PROM1: variants seen among roughly 807,000 people sequenced by gnomAD.
The protein encoded by PROM1 is prominin 1, also known as prominin-1.
A neutral mutation model predicts 116.9 loss-of-function variants in PROM1; 105 were observed. That is an observed-to-expected ratio of 0.90 (90% CI 0.77 to 1.06). The LOEUF (loss-of-function observed/expected upper bound fraction) is 1.06, where lower values mean the gene tolerates loss of function less well. Ranked by LOEUF, PROM1 falls within the 50% of genes least tolerant of loss-of-function variation. The pLI, the probability that PROM1 is intolerant of heterozygous loss-of-function variation, is 0.00. For missense variants in PROM1, 1,122 were observed against 1,045.2 expected (o/e 1.07, Z -1.01); for synonymous variants, 393 against 387.0 (o/e 1.02, Z -0.18).
chr4:16,018,646 C>G (rs1297683304), intron 8 of PROM1, 106 bp from the exon 9 acceptor site: 9 of 974,190 alleles, frequency 9.2e-6, no homozygotes, highest in Non-Finnish European at 1.4e-5. Flanking sequence ...CTTTAGATGG[C>G]AGTGAGAGGG....
chr4:16,043,552 G>A (rs370052831), intron 2 of PROM1, among the ~76,000 whole-genome samples: 2 of 152,216 alleles, frequency 1.3e-5, no homozygotes, highest in East Asian at 3.8e-4. Context: ...TGGAGTCACT[G>A]CCACAGTCCT....
intron 23 of PROM1, among the ~76,000 whole-genome samples, chr4:15,982,108 C>T (rs751694830): frequency 2.0e-4 from 31 of 152,242 alleles, no homozygotes; most frequent in Non-Finnish European, 3.5e-4. Flanking sequence ...TACACTTGGC[C>T]TGCTATGTAA....
intron 9 of PROM1, 65 bp downstream of exon 9, chr4:16,018,258 G>T: frequency 1.3e-6 from 2 of 1,522,816 alleles, no homozygotes; most frequent in Non-Finnish European, 1.8e-6. Flanking sequence ...GGTCACCCAC[G>T]CTTAGCCCTG....
intron 1 of PROM1, among the ~76,000 whole-genome samples, chr4:16,081,046 T>C (rs1744943124): frequency 6.7e-6 from 1 of 149,816 alleles, no homozygotes. Flanking sequence ...TACATATACA[T>C]ATATATATGT....
At position 16,012,029 on chromosome 4, in the gene PROM1, G is replaced by A. The variant is rs542330428; in HGVS notation, c.1141+1246C>T. On this transcript the variant is annotated intron_variant, in intron 11 of 27. Transcript: ENST00000447510. ...TGTTTGTTTTTGTTTTTTTTTGAGAGAGAGTCGCCCAGGCTGGAGTGCAGT... is the reference window on the plus strand; with the variant it reads ...TGTTTGTTTTTGTTTTTTTTTGAGAAAGAGTCGCCCAGGCTGGAGTGCAGT... Among the ~76,000 whole-genome samples, 20 of 151,824 alleles carry A rather than the reference G, an allele frequency of 1.3e-4. No homozygotes were observed. The South Asian group carries it at 4.2e-3, about 32-fold the overall frequency.
chr4:15,981,137 AT>A (rs1044850135), intron 23 of PROM1, among the ~76,000 whole-genome samples: 1 of 150,178 alleles, frequency 6.7e-6, no homozygotes, highest in African/African-American at 2.4e-5. Flanking sequence ...GATTTTTTGT[AT>A]TTTTAGTAGA....
intron 1 of PROM1, chr4:16,076,547 A>G (rs1315990174): frequency 2.0e-5 from 3 of 152,600 alleles, no homozygotes; most frequent in Admixed American, 6.5e-5. Flanking sequence ...TGACTTGCCC[A>G]AGGTCACAGG....
chr4:15,973,377 G>A (rs1715158157), intron 26 of PROM1, among the ~76,000 whole-genome samples: 1 of 152,174 alleles, frequency 6.6e-6, no homozygotes, highest in Non-Finnish European at 1.5e-5. Context: ...AACCCAGGAG[G>A]TGGAGGTTGC....
intron 11 of PROM1, 107 bp downstream of exon 11, chr4:16,013,168 A>G (rs1010346885): frequency 3.4e-6 from 3 of 878,898 alleles, no homozygotes; most frequent in Non-Finnish European, 5.4e-6. Flanking sequence ...TGACAGCTTT[A>G]ATGAGAAACT....
chr4:15,978,857 T>C (rs1033386793), intron 26 of PROM1, among the ~76,000 whole-genome samples: 6 of 152,134 alleles, frequency 3.9e-5, no homozygotes, highest in African/African-American at 1.2e-4. Flanking sequence ...AAGCTCAGAG[T>C]TACCTGACAT....
At chr4:16,068,160 G>C (rs943148744) in intron 2 of PROM1, among the ~76,000 whole-genome samples, 1 of 152,140 alleles carries the variant, frequency 6.6e-6, no homozygotes, top group Admixed American at 6.6e-5. Context: ...TGAGTGCCCT[G>C]AGAGAACCCG....
At chr4:15,977,088 C>T (rs1010700885) in intron 26 of PROM1, among the ~76,000 whole-genome samples, 1 of 152,166 alleles carries the variant, frequency 6.6e-6, no homozygotes, top group Non-Finnish European at 1.5e-5. Context: ...TTGACTTCTC[C>T]CCCTTTTTTT....
At chr4:16,040,654 G>A (rs1735005253) in intron 2 of PROM1, among the ~76,000 whole-genome samples, 2 of 152,178 alleles carry the variant, frequency 1.3e-5, no homozygotes, top group South Asian at 2.1e-4. Flanking sequence ...TAACTGCTAC[G>A]AACATGCTCA....
In PROM1 at chr4:15,992,243, C is replaced by T; in HGVS notation, c.1911+5G>A. ...AAGGATCAAGCATGAACACATGCGC[C>T]ATACCTGAGCCAAGTAGCTGTCATA... On this transcript the variant is annotated splice_donor_5th_base_variant and intron_variant, in intron 17 of 27. Coordinates refer to ENST00000447510, the MANE Select transcript of PROM1 (RefSeq NM_006017.3). 2.5e-6 allele frequency: 4 copies of T among 1,613,738 alleles called. No individual in the cohort carries two copies. Among genetic ancestry groups the T allele is most frequent in the Non-Finnish European group, 3.4e-6 (4 of 1,179,804 alleles).
intron 14 of PROM1, 108 bp from the exon 15 acceptor site, chr4:15,998,596 C>T (rs1722906375): frequency 8.4e-7 from 1 of 1,188,116 alleles, no homozygotes; most frequent in Admixed American, 4.1e-5. Flanking sequence ...TTTTTCATAA[C>T]ATTATTTTTC....
rs1431953957 is a variant in PROM1, at chr4:15,992,361, T to G, written c.1798A>C (p.Ser600Arg). ...HTGSISSELE[S>R]LKVNLNIFLL... ...AAGATATTAAGATTTACCTTCAGACTTTCCAATTCACTGCTTATGCTTCCA... is the reference window on the plus strand; with the variant it reads ...AAGATATTAAGATTTACCTTCAGACGTTCCAATTCACTGCTTATGCTTCCA... The change falls in exon 17 of 28, where the codon AGT becomes CGT. Residue 600 changes from serine (S) to arginine (R), a missense_variant. By Grantham distance (110) the Ser-to-Arg change is moderately radical. Coordinates refer to ENST00000447510, the MANE Select transcript of PROM1 (RefSeq NM_006017.3). The G allele has an allele frequency of 6.2e-7, 1 of 1,613,850 alleles. No homozygotes were observed.
At chr4:16,005,440 A>G (rs1316657079) in intron 13 of PROM1, among the ~76,000 whole-genome samples, 7 of 151,592 alleles carry the variant, frequency 4.6e-5, no homozygotes, top group Non-Finnish European at 1.0e-4. Context: ...TTATAATCAT[A>G]GCTTGTAAGA....
chr4:15,970,162 T>C (rs10939645), intron 27 of PROM1, among the ~76,000 whole-genome samples: 32,586 of 150,380 alleles, frequency 0.22, 4,261 homozygotes, highest in Admixed American at 0.28. Context: ...CACTTTCTTT[T>C]CTTTTCTTTT....
At chr4:15,981,993 C>T (rs1308223200) in intron 23 of PROM1, among the ~76,000 whole-genome samples, 1 of 152,172 alleles carries the variant, frequency 6.6e-6, no homozygotes, top group East Asian at 1.9e-4. Context: ...CTACACCACT[C>T]ACATCTGCAA....
Sources: allele counts gnomAD v4.1 joint callset (sites outside exome capture counted in the v4.1 genomes callset), GRCh38; gene constraint gnomAD v4.1.1; transcripts MANE v1.5; gene names NCBI Gene and HGNC (gene_info 2026-07-23, HGNC 2026-07-21).